Variants in KRT3 observed in about 807,000 individuals in gnomAD.
KRT3 encodes keratin 3, also known as keratin, type II cytoskeletal 3.
Under a neutral mutation model 45.8 loss-of-function variants are expected in KRT3, and 34 were observed. The observed-to-expected ratio is 0.74, with a 90% CI of 0.57 to 0.99. The LOEUF is 0.99. KRT3 is among the 50% of genes least tolerant of loss of function. The pLI is 0.00. For synonymous variants in KRT3, 367 were observed against 329.0 expected, an observed-to-expected ratio of 1.12 and a Z score of -1.25; for missense variants, 828 against 820.6, an observed-to-expected ratio of 1.01 and a Z score of -0.11.
chr12:52,792,856 A>G, intron 3 of KRT3, 50 bp from the exon 4 acceptor site: 1 of 1,202,402 alleles, frequency 8.3e-7, no homozygotes, highest in East Asian at 2.3e-5. Flanking sequence ...AACAAACAGC[A>G]AACCACAACT....
chr12:52,791,656 A>G (rs1939507949), intron 6 of KRT3, 35 bp downstream of exon 6: 1 of 1,613,532 alleles, frequency 6.2e-7, no homozygotes, highest in Non-Finnish European at 8.5e-7. Context: ...CCCCTCAGCA[A>G]TCATCCCAGG....
intron 2 of KRT3, 102 bp from the exon 3 acceptor site, chr12:52,793,325 C>G: frequency 1.3e-6 from 1 of 745,746 alleles, no homozygotes; most frequent in Non-Finnish European, 2.3e-6. Context: ...TCCCTCCATC[C>G]CTATCCTGCC....
In KRT3 at chr12:52,790,189, G is replaced by A; in HGVS notation, c.1740C>T (p.Ser580=). ...AGCCGCTGCCACCGCTGAAACCGCTGCTGCCGCCGCCAAATCCACCGCCGA... is the reference window on the plus strand; with the variant it reads ...AGCCGCTGCCACCGCTGAAACCGCTACTGCCGCCGCCAAATCCACCGCCGA... The part of the protein sequence containing the change: ...GGIGGGFGGG[S]SGFSGGSGFG... Residue 580 remains serine, a synonymous_variant, in exon 9 of 9, where the codon AGC becomes AGT. Coordinates refer to ENST00000417996, the MANE Select transcript of KRT3 (RefSeq NM_057088.3). The A allele has an allele frequency of 2.6e-6, 4 of 1,549,024 alleles. No homozygotes were observed. The highest frequency in any genetic ancestry group is 3.5e-6 in the Non-Finnish European group (4 of 1,146,832).
At chr12:52,790,996 C>A in intron 7 of KRT3, 124 bp from the exon 8 acceptor site, 2 of 1,258,904 alleles carry the variant, frequency 1.6e-6, no homozygotes, top group Non-Finnish European at 2.2e-6. Flanking sequence ...GGTAAGCTTT[C>A]TCCACCCCTC....
At position 52,790,829 on chromosome 12, in the gene KRT3, G is replaced by A. The variant is rs779819908; in HGVS notation, c.1570+9C>T. On this transcript the variant is annotated intron_variant, in intron 8 of 8. Coordinates refer to ENST00000417996, the MANE Select transcript of KRT3 (RefSeq NM_057088.3). ...AACTCTCATTTTCTTAGCTACTTTC[G>A]GTACTTACAGATGCTGACAGCACTC... 19 of 1,589,320 alleles carry A rather than the reference G, an allele frequency of 1.2e-5. No individual in the cohort carries two copies. The highest frequency in any genetic ancestry group is 3.5e-5 in the Admixed American group (2 of 56,896).
intron 5 of KRT3, 149 bp from the exon 6 acceptor site, chr12:52,791,965 G>A: frequency 1.0e-6 from 1 of 977,730 alleles, no homozygotes; most frequent in Non-Finnish European, 1.5e-6. Context: ...AACCCCCAAG[G>A]CAGCAGGAAA....
rs1939570562 is a variant in KRT3 at position 52,793,368 on chromosome 12, C to T, written c.867-145G>A. 5 of 590,118 alleles carry T rather than the reference C, an allele frequency of 8.5e-6. No homozygotes were observed. In the East Asian group the frequency reaches 8.9e-5, roughly 10 times the overall value. 36.6% of individuals were successfully genotyped at this position (590,118 alleles called of 1,614,324 possible). A position where few individuals can be genotyped will look rare whatever the true frequency, so the allele number is the denominator to read the frequency against. Reference sequence around the variant, plus strand: ...GATGAGCACATCCTCTTTACTATCTCCCTGTTAGTTGGGGGACCAACCAAG... The same window carrying T: ...GATGAGCACATCCTCTTTACTATCTTCCTGTTAGTTGGGGGACCAACCAAG... On this transcript the variant is annotated intron_variant, in intron 2 of 8. Coordinates refer to ENST00000417996, the MANE Select transcript of KRT3 (RefSeq NM_057088.3).
Position 52,795,639 on chromosome 12 carries a change from C to A in KRT3, c.404G>T (p.Gly135Val). ...AAAGCCACCAGGACCACCAAAGCCACCAGCCCCTCCAAAGCCACCAGCCCC... is the reference window on the plus strand; with the variant it reads ...AAAGCCACCAGGACCACCAAAGCCAACAGCCCCTCCAAAGCCACCAGCCCC... ...FGGAGGFGGA[G>V]GFGGPGGFGG... Residue 135 changes from glycine (G) to valine (V), a missense_variant, in exon 1 of 9, where the codon GGT becomes GTT. Gly to Val is a moderately radical substitution (Grantham distance 109). Coordinates refer to ENST00000417996, the MANE Select transcript of KRT3 (RefSeq NM_057088.3). 6.9e-7 allele frequency: 1 copy of A among 1,444,366 alleles called. No homozygotes were observed. The highest frequency in any genetic ancestry group is 1.5e-5 in the South Asian group (1 of 67,044). 89.5% of individuals were successfully genotyped at this position (1,444,366 alleles called of 1,614,324 possible).
Position 52,791,339 on chromosome 12 carries a change from G to A in KRT3, c.1402C>T (p.Gln468Ter), listed in dbSNP as rs1441126884. Residue 468 changes from glutamine (Q) to a stop codon, truncating the protein, a stop_gained, in exon 7 of 9, where the codon CAG becomes TAG. Transcript: ENST00000417996. LOFTEE classifies it high-confidence loss of function. The stretch of plus-strand genomic sequence containing the variant: ...TCCTTCGCCTGCTGTAGAGCAGCCT[G>A]CAGCTCTTGGAGCTTGGCATTGGCA... ...KDANAKLQEL[Q>*]AALQQAKDDL... 1 of 1,614,248 alleles carries A rather than the reference G, an allele frequency of 6.2e-7. No individual in the cohort carries two copies. The highest frequency in any genetic ancestry group is 8.5e-7 in the Non-Finnish European group (1 of 1,180,032).
chr12:52,790,233 GGCCAAA>G lies in KRT3; in HGVS notation c.1690_1695del (p.Phe564_Gly565del), dbSNP rs1939457534. ...CCGCCGATTCCACCGCCGCCTCCCC[GGCCAAA>G]GCCACTGCCTGAGCCGCCGCCCGCA... On this transcript the variant is annotated inframe_deletion, in exon 9 of 9. Coordinates refer to ENST00000417996, the MANE Select transcript of KRT3 (RefSeq NM_057088.3). 1 of 1,546,694 alleles carries G rather than the reference GGCCAAA, an allele frequency of 6.5e-7. No individual in the cohort carries two copies. Among genetic ancestry groups the G allele is most frequent in the Non-Finnish European group, 8.7e-7 (1 of 1,145,306 alleles).
Position 52,789,950 on chromosome 12 carries a change from G to C in KRT3, c.*92C>G. On this transcript the variant is annotated 3_prime_UTR_variant, in exon 9 of 9. Transcript: ENST00000417996. ...TCCAGCGCAGAGCCGCGTTCTTGGG[G>C]AGCATGGGGTGGCGCTGGGGGTGTT... 7.6e-7 allele frequency: 1 copy of C among 1,310,456 alleles called. No individual in the cohort carries two copies. The highest frequency in any genetic ancestry group is 1.1e-6 in the Non-Finnish European group (1 of 941,010). The allele number at this position is 1,310,456 out of a possible 1,614,324, so 81.2% of individuals were successfully genotyped here. A position where few individuals can be genotyped will look rare whatever the true frequency, so the allele number is the denominator to read the frequency against.
At chr12:52,792,590 G>T in intron 4 of KRT3, 121 bp downstream of exon 4, 1 of 970,970 alleles carries the variant, frequency 1.0e-6, no homozygotes, top group Non-Finnish European at 1.7e-6. Flanking sequence ...CCCTTCCAAG[G>T]GTCCTCATCT....
intron 2 of KRT3, among the ~76,000 whole-genome samples, chr12:52,793,684 A>C (rs1939577571): frequency 6.6e-6 from 1 of 151,990 alleles, no homozygotes; most frequent in Admixed American, 6.6e-5. Flanking sequence ...CTCCATTTCC[A>C]GGGTTCAAGA....
At chr12:52,791,171 C>G (rs764238830) in intron 7 of KRT3, 35 bp downstream of exon 7, 3 of 1,613,670 alleles carry the variant, frequency 1.9e-6, no homozygotes, top group Non-Finnish European at 2.5e-6. Context: ...ATGACTTGAG[C>G]CAGGGGGTGT....
chr12:52,792,266 G>C lies in KRT3; in HGVS notation c.1161C>G (p.Ala387=), dbSNP rs374548119. 4.4e-5 allele frequency: 71 copies of C among 1,613,944 alleles called. No individual in the cohort carries two copies. The highest frequency in any genetic ancestry group is 1.6e-4 in the Middle Eastern group (1 of 6,074). Residue 387 remains alanine (A), a synonymous_variant, in exon 5 of 9, where the codon GCC becomes GCG. Coordinates refer to ENST00000417996, the MANE Select transcript of KRT3 (RefSeq NM_057088.3). ...QYEDIAQRSK[A]EAEALYQTKL... ...TGGTCTGGTACAGGGCCTCAGCTTCGGCCTTGCTTCTCTGAGCGATATCCT... is the reference window on the plus strand; with the variant it reads ...TGGTCTGGTACAGGGCCTCAGCTTCCGCCTTGCTTCTCTGAGCGATATCCT...
At chr12:52,792,560 T>C in intron 4 of KRT3, 151 bp downstream of exon 4, 1 of 942,004 alleles carries the variant, frequency 1.1e-6, no homozygotes, top group Non-Finnish European at 1.7e-6. Flanking sequence ...ACCCCATGTC[T>C]GCAGCTTATC....
Position 52,795,618 on chromosome 12 carries a change from C to T in KRT3, c.425G>A (p.Gly142Asp), listed in dbSNP as rs1292571758. The T allele has an allele frequency of 1.3e-6, 2 of 1,587,960 alleles. No individual in the cohort carries two copies. Among genetic ancestry groups the T allele is most frequent in the Non-Finnish European group, 1.7e-6 (2 of 1,167,866 alleles). The change falls in exon 1 of 9, where the codon GGC (glycine) becomes GAC (aspartate). Residue 142 changes from glycine to aspartate, a missense_variant. Gly to Asp is a moderately conservative substitution (Grantham distance 94). Transcript: ENST00000417996. ...GGAGGFGGPG[G>D]FGGSGGFGGP... ...ACCAAAGCCACCAGACCCACCAAAG[C>T]CACCAGGACCACCAAAGCCACCAGC... is the stretch of plus-strand genomic sequence containing the variant.
Position 52,794,308 on chromosome 12 carries a change from G to A in KRT3, c.669C>T (p.Asn223=). ...GGTTCCACTTGGTCTCCAGGACTTT[G>A]TTCTGTTGCTCCAGGAACCGCACCT... ...IDKVRFLEQQ[N]KVLETKWNLL... The change falls in exon 2 of 9, where the codon AAC becomes AAT. Residue 223 remains asparagine (N), a synonymous_variant. Coordinates refer to ENST00000417996, the MANE Select transcript of KRT3 (RefSeq NM_057088.3). 3.7e-6 allele frequency: 6 copies of A among 1,614,042 alleles called. No homozygotes were observed. The highest frequency in any genetic ancestry group is 5.1e-6 in the Non-Finnish European group (6 of 1,180,002).
In KRT3 at chr12:52,795,632, A is replaced by G. The variant is rs780814236; in HGVS notation, c.411T>C (p.Phe137=). 3.5e-6 allele frequency: 5 copies of G among 1,443,084 alleles called. No homozygotes were observed. The highest frequency in any genetic ancestry group is 4.4e-6 in the Non-Finnish European group (5 of 1,137,242). 89.4% of individuals were successfully genotyped at this position (1,443,084 alleles called of 1,614,324 possible). ...GAGGFGGAGG[F]GGPGGFGGSG... ...ACCCACCAAAGCCACCAGGACCACCAAAGCCACCAGCCCCTCCAAAGCCAC... is the reference window on the plus strand; with the variant it reads ...ACCCACCAAAGCCACCAGGACCACCGAAGCCACCAGCCCCTCCAAAGCCAC... The change falls in exon 1 of 9, where the codon TTT becomes TTC. Residue 137 remains phenylalanine, a synonymous_variant. Coordinates refer to ENST00000417996, the MANE Select transcript of KRT3 (RefSeq NM_057088.3).
Sources: gnomAD v4.1 joint callset for allele counts (sites outside exome capture counted in the v4.1 genomes callset) on GRCh38, gnomAD v4.1.1 for gene constraint, MANE v1.5 for transcripts, NCBI Gene and HGNC (gene_info 2026-07-23, HGNC 2026-07-21) for gene names.